The following CAMTA1 variants were observed in gnomAD, a reference collection of about 807,000 sequenced individuals.
CAMTA1 encodes the protein calmodulin binding transcription activator 1, also known as calmodulin-binding transcription activator 1.
Under a neutral mutation model 170.9 loss-of-function variants are expected in CAMTA1, and 27 were observed. That is an observed-to-expected ratio of 0.16 (90% CI 0.12 to 0.22). The LOEUF is 0.22. Ranked by LOEUF, CAMTA1 falls within the 10% of genes least tolerant of loss-of-function variation. CAMTA1 has a pLI of 1.00. For synonymous variants in CAMTA1, 833 were observed against 891.5 expected (o/e 0.93, Z 1.17); for missense variants, 1,619 against 2,217.2 (o/e 0.73, Z 5.42).
rs185314765 is a variant in CAMTA1, at chr1:6,884,235, C to T, written c.234+59025C>T. 4.0e-5 allele frequency among the ~76,000 whole-genome samples: 6 copies of T among 150,952 alleles called. No individual in the cohort carries two copies. In the East Asian group the frequency reaches 7.8e-4, roughly 20 times the overall value. ...GGCAGTTGGTAGAGGTCATGTGCTT[C>T]GATGGCTGAACCTAGCAGCCTTTTA... On this transcript the variant is annotated intron_variant, in intron 3 of 22. Coordinates refer to ENST00000303635, the MANE Select transcript of CAMTA1 (RefSeq NM_015215.4).
chr1:7,138,821 C>T lies in CAMTA1; in HGVS notation c.302+47450C>T, dbSNP rs555149771. The stretch of plus-strand genomic sequence containing the variant: ...ACCAGTCTGGCCAACATGGTGAAAC[C>T]CTGTGACTACTAAAAATACAAAAAT... On this transcript the variant is annotated intron_variant, in intron 4 of 22. Transcript: ENST00000303635. Among the ~76,000 whole-genome samples, 40 of 151,842 alleles carry T rather than the reference C, an allele frequency of 2.6e-4. No individual in the cohort carries two copies. In the South Asian group the frequency reaches 2.7e-3, roughly 10 times the overall value.
At chr1:7,544,623 A>G (rs1364074653) in intron 6 of CAMTA1, among the ~76,000 whole-genome samples, 2 of 152,226 alleles carry the variant, frequency 1.3e-5, no homozygotes, top group East Asian at 3.9e-4. Flanking sequence ...CACTGAGTCC[A>G]TTTAGTGTTG....
chr1:6,971,687 AC>A lies in CAMTA1; in HGVS notation c.235-119612del, dbSNP rs929872576. On this transcript the variant is annotated intron_variant, in intron 3 of 22. Transcript: ENST00000303635. The surrounding 1 kb of genome is among the most constrained non-coding windows in gnomAD (Gnocchi z 4.6). ...AATGGTGTCTGTGGCTGGGATAAAAACCCCCATGACCATCCTCCATGCTTAT... is the reference window on the plus strand; with the variant it reads ...AATGGTGTCTGTGGCTGGGATAAAAACCCCATGACCATCCTCCATGCTTAT... Among the ~76,000 whole-genome samples, 5 of 151,854 alleles carry A rather than the reference AC, an allele frequency of 3.3e-5. No individual in the cohort carries two copies. Among genetic ancestry groups the A allele is most frequent in the African/African-American group, 1.2e-4 (5 of 41,306 alleles).
intron 11 of CAMTA1, among the ~76,000 whole-genome samples, chr1:7,709,825 G>T (rs1280070996): frequency 6.6e-6 from 1 of 152,208 alleles, no homozygotes; most frequent in African/African-American, 2.4e-5. Flanking sequence ...AGAAAAGCAT[G>T]GTCACCATCA....
At chr1:7,421,559 C>T (rs1406430308) in intron 5 of CAMTA1, among the ~76,000 whole-genome samples, 1 of 152,198 alleles carries the variant, frequency 6.6e-6, no homozygotes, top group East Asian at 1.9e-4. Context: ...GGACAAGTTA[C>T]TGAACTCTCT....
chr1:7,122,097 T>G (rs1013726405), intron 4 of CAMTA1, among the ~76,000 whole-genome samples: 5 of 152,058 alleles, frequency 3.3e-5, no homozygotes, highest in Non-Finnish European at 7.4e-5. Flanking sequence ...TTCTGGGCTC[T>G]GTGAGTGTCC....
intron 3 of CAMTA1, among the ~76,000 whole-genome samples, chr1:7,072,742 T>C (rs1021924285): frequency 6.6e-6 from 1 of 151,974 alleles, no homozygotes; most frequent in Non-Finnish European, 1.5e-5. Flanking sequence ...AGTGAGGGAG[T>C]GAACCGAGTA....
chr1:6,969,464 C>T (rs568271986), intron 3 of CAMTA1, among the ~76,000 whole-genome samples: 1 of 152,138 alleles, frequency 6.6e-6, no homozygotes, highest in Admixed American at 6.5e-5. Context: ...CGGCTCCTCC[C>T]CCGGATGATC....
chr1:6,868,324 CAAAA>C, intron 3 of CAMTA1, among the ~76,000 whole-genome samples: 1 of 126,134 alleles, frequency 7.9e-6, no homozygotes, highest in East Asian at 2.5e-4. Flanking sequence ...TTTTTAAAAA[CAAAA>C]CAAAACAAAA....
Position 7,173,727 on chromosome 1 carries a change from T to C in CAMTA1, c.303-75764T>C, listed in dbSNP as rs1434116377. On this transcript the variant is annotated intron_variant, in intron 4 of 22. Coordinates refer to ENST00000303635, the MANE Select transcript of CAMTA1 (RefSeq NM_015215.4). This position sits in a 1 kb window ranked among gnomAD's most constrained non-coding sequence, Gnocchi z 5.4. ...TTTTTTTAATTATTTCTTTCTAGCCTTCTTTACATGGTCCCTGGCTTGACT... is the reference window on the plus strand; with the variant it reads ...TTTTTTTAATTATTTCTTTCTAGCCCTCTTTACATGGTCCCTGGCTTGACT... 1.3e-5 allele frequency among the ~76,000 whole-genome samples: 2 copies of C among 151,884 alleles called. No individual in the cohort carries two copies. Among genetic ancestry groups the C allele is most frequent in the Non-Finnish European group, 2.9e-5 (2 of 67,984 alleles).
chr1:7,577,777 G>A (rs2095214769), intron 6 of CAMTA1, among the ~76,000 whole-genome samples: 3 of 152,120 alleles, frequency 2.0e-5, no homozygotes, highest in East Asian at 1.9e-4. Flanking sequence ...CACTGCCATT[G>A]TAGCAGAAAA....
intron 3 of CAMTA1, among the ~76,000 whole-genome samples, chr1:7,052,865 T>TC (rs1248982084): frequency 2.6e-5 from 4 of 152,170 alleles, no homozygotes; most frequent in African/African-American, 9.6e-5. Context: ...CTCTGGTCTC[T>TC]TGGGCCGGGC....
At chr1:6,872,980 A>G (rs1394406957) in intron 3 of CAMTA1, among the ~76,000 whole-genome samples, 1 of 152,166 alleles carries the variant, frequency 6.6e-6, no homozygotes, top group Non-Finnish European at 1.5e-5. Context: ...TAGAACCACA[A>G]ATTAAAATTA....
chr1:7,726,711 T>C (rs1034812520), intron 11 of CAMTA1, among the ~76,000 whole-genome samples: 14 of 152,186 alleles, frequency 9.2e-5, no homozygotes, highest in Non-Finnish European at 1.3e-4. Context: ...GCAGCAAATA[T>C]AGAGTGCCTG....
At chr1:7,377,450 C>T (rs1277422359) in intron 5 of CAMTA1, among the ~76,000 whole-genome samples, 1 of 152,186 alleles carries the variant, frequency 6.6e-6, no homozygotes, top group Non-Finnish European at 1.5e-5. Flanking sequence ...TGACTGTAGT[C>T]ATCTCAGGCC....
intron 5 of CAMTA1, among the ~76,000 whole-genome samples, chr1:7,315,004 A>G (rs190633331): frequency 8.5e-4 from 130 of 152,372 alleles, no homozygotes; most frequent in African/African-American, 3.0e-3. Flanking sequence ...GATTAGATTC[A>G]GTGAAAAAGA....
chr1:7,017,234 G>A (rs541814290), intron 3 of CAMTA1, among the ~76,000 whole-genome samples: 2 of 152,324 alleles, frequency 1.3e-5, no homozygotes, highest in South Asian at 2.1e-4. Context: ...GCTCTGATGG[G>A]CCTTGCTGTG....
At chr1:7,368,762 C>T (rs956333116) in intron 5 of CAMTA1, among the ~76,000 whole-genome samples, 4 of 152,200 alleles carry the variant, frequency 2.6e-5, no homozygotes, top group South Asian at 2.1e-4. Context: ...TGTGGTGTTC[C>T]GCACATGTTG....
chr1:7,114,723 G>A (rs975069233), intron 4 of CAMTA1, among the ~76,000 whole-genome samples: 1 of 151,656 alleles, frequency 6.6e-6, no homozygotes, highest in Non-Finnish European at 1.5e-5. Flanking sequence ...AGACCCAGGA[G>A]AGCTGATGGT....
Sources: allele counts gnomAD v4.1 joint callset (sites outside exome capture counted in the v4.1 genomes callset), GRCh38; gene constraint gnomAD v4.1.1; non-coding constraint Gnocchi (gnomAD v3.1); transcripts MANE v1.5; gene names NCBI Gene and HGNC (gene_info 2026-07-23, HGNC 2026-07-21).